The following SHISAL1 variants were observed in gnomAD, a reference collection of about 807,000 sequenced individuals.
SHISAL1 encodes the protein protein shisa-like-1.
In SHISAL1, 9 loss-of-function variants were observed where a neutral mutation model predicts 22.6. That is an observed-to-expected ratio of 0.40 (90% CI 0.24 to 0.70). The LOEUF is 0.70. Ranked by LOEUF, SHISAL1 falls within the 30% of genes least tolerant of loss-of-function variation. The probability of loss-of-function intolerance (pLI) is 0.39; values close to 1 mark genes in which losing one functional copy is unlikely to be tolerated. For missense variants in SHISAL1, 246 were observed against 270.6 expected (o/e 0.91, Z 0.64); for synonymous variants, 119 against 115.4 (o/e 1.03, Z -0.20).
At chr22:44,302,308 C>G (rs920450006) in intron 1 of SHISAL1, among the ~76,000 whole-genome samples, 6 of 146,754 alleles carry the variant, frequency 4.1e-5, no homozygotes, top group Non-Finnish European at 8.9e-5. Flanking sequence ...CCATTGCACT[C>G]CAGCCTGGGC....
intron 2 of SHISAL1, 47 bp from the exon 3 acceptor site, chr22:44,296,932 C>T (rs1325189542): frequency 1.2e-5 from 18 of 1,495,340 alleles, no homozygotes; most frequent in South Asian, 4.6e-5. Flanking sequence ...CACCAGTCCA[C>T]GGGTGCCAAG....
At chr22:44,282,831 G>T (rs569274834) in intron 4 of SHISAL1, among the ~76,000 whole-genome samples, 21 of 152,324 alleles carry the variant, frequency 1.4e-4, no homozygotes, top group African/African-American at 4.6e-4. Flanking sequence ...GTGTGCCCGA[G>T]GAGGGCCGCA....
At chr22:44,267,749 G>A (rs1288816947) in intron 4 of SHISAL1, among the ~76,000 whole-genome samples, 2 of 152,208 alleles carry the variant, frequency 1.3e-5, no homozygotes, top group Non-Finnish European at 2.9e-5. Flanking sequence ...AGCTGTCTCT[G>A]CCTCAGTGCC....
At chr22:44,273,096 C>CAA (rs58469047) in intron 4 of SHISAL1, among the ~76,000 whole-genome samples, 3,071 of 141,816 alleles carry the variant, frequency 0.022, 183 homozygotes, top group East Asian at 0.14. Context: ...ACTCTGTCTC[C>CAA]AAAAAAAAAA....
chr22:44,297,011 G>C, intron 2 of SHISAL1, 126 bp from the exon 3 acceptor site: 1 of 717,944 alleles, frequency 1.4e-6, no homozygotes, highest in South Asian at 1.7e-5. Flanking sequence ...TGCCTTTGTG[G>C]TCCACTGTGA....
At chr22:44,256,214 C>T (rs183157883) in intron 4 of SHISAL1, among the ~76,000 whole-genome samples, 1 of 151,924 alleles carries the variant, frequency 6.6e-6, no homozygotes, top group African/African-American at 2.4e-5. Context: ...ATCAGCTCTC[C>T]TGGGTCTCAG....
At chr22:44,316,119 A>G (rs2055557043), upstream of SHISAL1, among the ~76,000 whole-genome samples, 1 of 152,138 alleles carries the variant, frequency 6.6e-6, no homozygotes, top group African/African-American at 2.4e-5. Context: ...CAAGGTTACA[A>G]ATAGCAGGCC....
chr22:44,294,583 GA>G (rs1249042819), intron 3 of SHISAL1, among the ~76,000 whole-genome samples: 3 of 152,158 alleles, frequency 2.0e-5, no homozygotes, highest in Non-Finnish European at 2.9e-5. Flanking sequence ...CAATTCTAAA[GA>G]TTGTTTTAGA....
intron 4 of SHISAL1, among the ~76,000 whole-genome samples, chr22:44,258,883 T>A (rs554369887): frequency 1.7e-4 from 26 of 151,466 alleles, no homozygotes; most frequent in African/African-American, 6.1e-4. Context: ...GTGGATGGAG[T>A]AGGCGTGGAG....
At chr22:44,277,436 A>G (rs2055247364) in intron 4 of SHISAL1, among the ~76,000 whole-genome samples, 1 of 150,496 alleles carries the variant, frequency 6.6e-6, no homozygotes, top group Admixed American at 6.6e-5. Context: ...TCCTAACTCA[A>G]CTACTCTGCC....
Position 44,285,520 on chromosome 22 carries a change from T to C in SHISAL1, c.507A>G (p.Pro169=). Residue 169 remains proline (P), a synonymous_variant, in exon 4 of 5, where the codon CCA becomes CCG. Coordinates refer to ENST00000381176, the MANE Select transcript of SHISAL1 (RefSeq NM_001099294.2). ...GQRAPQPQPP[P]GPLPQAPQAV... is the part of the protein sequence containing the mutation. ...CCTGTGGGGCTTGTGGCAGCGGGCCTGGGGGAGGCTGCGGCTGTGGGGCCC... is the reference window on the plus strand; with the variant it reads ...CCTGTGGGGCTTGTGGCAGCGGGCCCGGGGGAGGCTGCGGCTGTGGGGCCC... 6.2e-7 allele frequency: 1 copy of C among 1,613,520 alleles called. No homozygotes were observed. Among genetic ancestry groups the C allele is most frequent in the Non-Finnish European group, 8.5e-7 (1 of 1,179,644 alleles).
intron 4 of SHISAL1, among the ~76,000 whole-genome samples, chr22:44,272,610 G>A (rs1363898071): frequency 6.6e-6 from 1 of 152,160 alleles, no homozygotes; most frequent in Admixed American, 6.5e-5. Flanking sequence ...CGTTTCCTTG[G>A]GGGGGACTAA....
intron 4 of SHISAL1, among the ~76,000 whole-genome samples, chr22:44,262,052 G>A (rs1472944115): frequency 6.6e-6 from 1 of 152,254 alleles, no homozygotes; most frequent in Non-Finnish European, 1.5e-5. Flanking sequence ...GCGGGTAGGG[G>A]AGCCACACCA....
At chr22:44,330,372 T>C in the SHISAL1 span, among the ~76,000 whole-genome samples, 1 of 152,220 alleles carries the variant, frequency 6.6e-6, no homozygotes, top group African/African-American at 2.4e-5. Flanking sequence ...CTTCGTGTTC[T>C]TCCCATCCTA....
intron 4 of SHISAL1, among the ~76,000 whole-genome samples, chr22:44,254,672 G>A (rs1265141327): frequency 6.6e-6 from 1 of 152,102 alleles, no homozygotes; most frequent in Non-Finnish European, 1.5e-5. Flanking sequence ...CCAACTACTT[G>A]TTCTTTGAAA....
At chr22:44,305,583 G>A (rs957374926) in intron 1 of SHISAL1, among the ~76,000 whole-genome samples, 2 of 152,232 alleles carry the variant, frequency 1.3e-5, no homozygotes, top group African/African-American at 2.4e-5. Context: ...AGGAGTTCCA[G>A]GGACTGGGTG....
chr22:44,328,200 T>G, the SHISAL1 span, among the ~76,000 whole-genome samples: 1 of 152,184 alleles, frequency 6.6e-6, no homozygotes, highest in Non-Finnish European at 1.5e-5. Context: ...TGCCCCCTCA[T>G]GGTTCCTGGT....
chr22:44,257,114 T>C (rs1240784373), intron 4 of SHISAL1, among the ~76,000 whole-genome samples: 1 of 152,232 alleles, frequency 6.6e-6, no homozygotes, highest in East Asian at 1.9e-4. Flanking sequence ...TCACTGCTAG[T>C]TGGGGAGATG....
chr22:44,277,609 A>C (rs575595228), intron 4 of SHISAL1, among the ~76,000 whole-genome samples: 5 of 152,316 alleles, frequency 3.3e-5, no homozygotes, highest in Non-Finnish European at 5.9e-5. Context: ...GGTTCCAGGC[A>C]GTGCTGGAGA....
Sources: gnomAD v4.1 joint callset for allele counts (sites outside exome capture counted in the v4.1 genomes callset) on GRCh38, gnomAD v4.1.1 for gene constraint, MANE v1.5 for transcripts, NCBI Gene and HGNC (gene_info 2026-07-23, HGNC 2026-07-21) for gene names.